PPP1R12A: variants seen among roughly 807,000 people sequenced by gnomAD.
The protein encoded by PPP1R12A is protein phosphatase 1 regulatory subunit 12A, also known as myosin binding subunit.
Under a neutral mutation model 139.6 loss-of-function variants are expected in PPP1R12A, and 19 were observed. The ratio of observed to expected loss-of-function variants is 0.14; its 90% confidence interval spans 0.09 to 0.20. The LOEUF is 0.20. PPP1R12A is among the 10% of genes least tolerant of loss of function. PPP1R12A has a pLI of 1.00. For synonymous variants in PPP1R12A, 427 were observed against 420.6 expected, an observed-to-expected ratio of 1.02 and a Z score of -0.19; for missense variants, 925 against 1,211.5, an observed-to-expected ratio of 0.76 and a Z score of 3.51.
chr12:79,794,113 G>A (rs1872216273), intron 18 of PPP1R12A, among the ~76,000 whole-genome samples, 185 bp from the exon 19 acceptor site: 1 of 151,920 alleles, frequency 6.6e-6, no homozygotes, highest in Admixed American at 6.6e-5. Context: ...TGGGAATTTA[G>A]CTGAAAAAAT....
At chr12:79,823,966 C>T (rs371532578) in intron 5 of PPP1R12A, 36 of 152,248 alleles carry the variant, frequency 2.4e-4, no homozygotes, top group African/African-American at 7.9e-4. Flanking sequence ...TTACAAGATT[C>T]GAAAATACTT....
chr12:79,839,703 T>C (rs956904780), intron 3 of PPP1R12A, among the ~76,000 whole-genome samples: 3 of 152,198 alleles, frequency 2.0e-5, no homozygotes, highest in African/African-American at 7.2e-5. Context: ...TATGTTTGCC[T>C]TCCCATCTGT....
intron 18 of PPP1R12A, among the ~76,000 whole-genome samples, chr12:79,795,121 A>AT (rs1244375042): frequency 3.3e-5 from 5 of 152,116 alleles, no homozygotes; most frequent in Non-Finnish European, 7.4e-5. Flanking sequence ...TAAAAGGTTT[A>AT]TTTTTTAGAA....
intron 3 of PPP1R12A, among the ~76,000 whole-genome samples, chr12:79,837,237 C>T (rs1472991052): frequency 6.6e-6 from 1 of 151,968 alleles, no homozygotes; most frequent in Non-Finnish European, 1.5e-5. Context: ...TAACATCTGT[C>T]ACTATGATTT....
intron 1 of PPP1R12A, among the ~76,000 whole-genome samples, chr12:79,913,031 T>A (rs922872924): frequency 3.3e-5 from 5 of 152,240 alleles, no homozygotes; most frequent in African/African-American, 1.2e-4. Context: ...CATCAGTCTT[T>A]TGTAATTTTA....
intron 22 of PPP1R12A, among the ~76,000 whole-genome samples, chr12:79,783,149 A>G (rs1401090530): frequency 6.6e-6 from 1 of 152,050 alleles, no homozygotes. Context: ...TTCTTGTGAG[A>G]AATTCAGTTC....
At chr12:79,894,122 C>T (rs907314483) in intron 1 of PPP1R12A, among the ~76,000 whole-genome samples, 11 of 152,270 alleles carry the variant, frequency 7.2e-5, no homozygotes, top group Admixed American at 7.2e-4. Context: ...TTTATAGTGA[C>T]ATAACATAAT....
rs1486441785 is a variant in PPP1R12A, at chr12:79,934,844, T to G, written c.88A>C (p.Lys30Gln). 2.5e-6 allele frequency: 4 copies of G among 1,611,778 alleles called. No individual in the cohort carries two copies. The Admixed American group carries it at 6.7e-5, about 27-fold the overall frequency. ...SETDLEPPVVKRQKTKVKFDD... is the reference protein window; with the variant it reads ...SETDLEPPVVQRQKTKVKFDD... ...AACTTCACCTTGGTCTTCTGGCGCT[T>G]CACCACCGGAGGCTCGAGGTCCGTC... is the stretch of plus-strand genomic sequence containing the variant. Residue 30 changes from lysine to glutamine, a missense_variant, in exon 1 of 25, where the codon AAG becomes CAG. Coordinates refer to ENST00000450142, the MANE Select transcript of PPP1R12A (RefSeq NM_002480.3).
At chr12:79,780,347 A>T (rs183992371) in intron 23 of PPP1R12A, 1 of 152,270 alleles carries the variant, frequency 6.6e-6, no homozygotes, top group Non-Finnish European at 1.5e-5. Flanking sequence ...TATTAATACC[A>T]TGATTATAGA....
intron 24 of PPP1R12A, 93 bp from the exon 25 acceptor site, chr12:79,776,108 A>T: frequency 1.3e-6 from 1 of 777,990 alleles, no homozygotes; most frequent in East Asian, 2.8e-5. Context: ...ACCACAAAAC[A>T]CATGATCAAG....
intron 1 of PPP1R12A, among the ~76,000 whole-genome samples, chr12:79,916,333 C>T (rs560594230): frequency 6.6e-6 from 1 of 151,742 alleles, no homozygotes; most frequent in South Asian, 2.1e-4. Flanking sequence ...TAACTATGGG[C>T]TTCAACATTC....
chr12:79,843,632 A>G (rs1288401171), intron 3 of PPP1R12A, among the ~76,000 whole-genome samples: 1 of 128,970 alleles, frequency 7.8e-6, no homozygotes, highest in Non-Finnish European at 1.6e-5. Context: ...AGATATAGAT[A>G]TAGATATAGA....
chr12:79,820,685 G>T (rs1875995477), intron 8 of PPP1R12A, 89 bp downstream of exon 8: 3 of 1,387,586 alleles, frequency 2.2e-6, no homozygotes, highest in Admixed American at 4.2e-5. Flanking sequence ...TAGCAAATCA[G>T]TCTGAAAAAT....
intron 2 of PPP1R12A, among the ~76,000 whole-genome samples, chr12:79,864,597 A>C (rs1225924328): frequency 6.6e-6 from 1 of 152,162 alleles, no homozygotes; most frequent in East Asian, 1.9e-4. Context: ...ACTAATAAAG[A>C]GAGAAGAATC....
intron 1 of PPP1R12A, among the ~76,000 whole-genome samples, chr12:79,898,803 C>T (rs1432581811): frequency 6.6e-6 from 1 of 152,136 alleles, no homozygotes; most frequent in Non-Finnish European, 1.5e-5. Flanking sequence ...TGCCTCTATA[C>T]CAACTCACAC....
chr12:79,828,491 A>G (rs759198566), intron 4 of PPP1R12A, 27 bp from the exon 5 acceptor site: 3 of 1,468,164 alleles, frequency 2.0e-6, no homozygotes, highest in Non-Finnish European at 2.8e-6. Context: ...GAATTAGACA[A>G]TCATTAAAAT....
intron 2 of PPP1R12A, among the ~76,000 whole-genome samples, chr12:79,859,995 CA>C (rs1881138382): frequency 6.6e-6 from 1 of 152,136 alleles, no homozygotes; most frequent in African/African-American, 2.4e-5. Context: ...TCACTCTAAA[CA>C]AGAAGAAAAA....
At position 79,934,961 on chromosome 12, in the gene PPP1R12A, G is replaced by T; in HGVS notation, c.-30C>A. On this transcript the variant is annotated 5_prime_UTR_variant, in exon 1 of 25. Transcript: ENST00000450142. The stretch of plus-strand genomic sequence containing the variant: ...TCTCCTGCCGCCGGGTCTTCTTATC[G>T]CGAGGGGGGGAAGGGGGAGGCGGAG... 1 of 1,555,624 alleles carries T rather than the reference G, an allele frequency of 6.4e-7. No homozygotes were observed. The highest frequency in any genetic ancestry group is 1.2e-5 in the South Asian group (1 of 84,348).
intron 9 of PPP1R12A, among the ~76,000 whole-genome samples, chr12:79,811,713 T>C (rs1874557764): frequency 6.6e-6 from 1 of 152,172 alleles, no homozygotes; most frequent in African/African-American, 2.4e-5. Flanking sequence ...CTGTAACCAA[T>C]AAAACTTTAG....
Sources: allele counts gnomAD v4.1 joint callset (sites outside exome capture counted in the v4.1 genomes callset), GRCh38; gene constraint gnomAD v4.1.1; transcripts MANE v1.5; gene names NCBI Gene and HGNC (gene_info 2026-07-23, HGNC 2026-07-21).